Variants in PSMC2 observed in about 807,000 individuals in gnomAD.
PSMC2 encodes the protein 26S proteasome regulatory subunit 7.
In PSMC2, 7 loss-of-function variants were observed where a neutral mutation model predicts 53.3. The ratio of observed to expected loss-of-function variants is 0.13; its 90% CI spans 0.07 to 0.25. The LOEUF (loss-of-function observed/expected upper bound fraction) is 0.25, where lower values mean the gene tolerates loss of function less well. PSMC2 is among the 10% of genes least tolerant of loss of function. The pLI is 1.00. For synonymous variants in PSMC2, 169 were observed against 183.9 expected, an observed-to-expected ratio of 0.92 and a Z score of 0.66; for missense variants, 241 against 544.0, an observed-to-expected ratio of 0.44 and a Z score of 5.54.
chr7:103,355,725 A>G lies in PSMC2; in HGVS notation c.222A>G (p.Pro74=). ...AAGAATCTGACACTGGCCTGGCCCC[A>G]CCAGCACTCTGGGATTTGGCTGCAG... ...GIKESDTGLA[P]PALWDLAADK... is the part of the protein sequence containing the mutation. The change falls in exon 4 of 12, where the codon CCA becomes CCG. Residue 74 remains proline (P), a synonymous_variant. Transcript: ENST00000292644. 1 of 1,614,064 alleles carries G rather than the reference A, an allele frequency of 6.2e-7. No homozygotes were observed. The highest frequency in any genetic ancestry group is 8.5e-7 in the Non-Finnish European group (1 of 1,179,978).
intron 1 of PSMC2, chr7:103,348,719 G>A: frequency 1.3e-6 from 2 of 1,576,672 alleles, no homozygotes; most frequent in South Asian, 1.1e-5. Context: ...AATATGTGCC[G>A]CCAGTGTTTT....
chr7:103,354,248 G>A (rs1237128015), intron 2 of PSMC2, among the ~76,000 whole-genome samples: 1 of 151,866 alleles, frequency 6.6e-6, no homozygotes, highest in Admixed American at 6.6e-5. Context: ...ATGCTATATT[G>A]AAAGATATTT....
At chr7:103,360,078 CAA>C (rs879838360) in intron 4 of PSMC2, among the ~76,000 whole-genome samples, 7 of 105,340 alleles carry the variant, frequency 6.6e-5, no homozygotes, top group African/African-American at 7.1e-5. Context: ...GATTCCGTCT[CAA>C]AAAAAAAAAA....
chr7:103,357,127 A>G (rs978973777), intron 4 of PSMC2, among the ~76,000 whole-genome samples: 1 of 152,048 alleles, frequency 6.6e-6, no homozygotes, highest in African/African-American at 2.4e-5. Flanking sequence ...GGAGTTCAAG[A>G]CCAGCCTGGT....
Position 103,366,078 on chromosome 7 carries a change from G to T in PSMC2, c.759G>T (p.Gly253=). The change falls in exon 9 of 12, where the codon GGG becomes GGT. Residue 253 remains glycine, a splice_region_variant and synonymous_variant. Coordinates refer to ENST00000292644, the MANE Select transcript of PSMC2 (RefSeq NM_002803.4). Reference sequence around the variant, plus strand: ...TAATAAATCATTTTTCTCATTAGGGGGCTCGAATGGTTCGTGAACTCTTTG... The same window carrying T: ...TAATAAATCATTTTTCTCATTAGGGTGCTCGAATGGTTCGTGAACTCTTTG... ...SELVQKYVGE[G]ARMVRELFEM... The T allele has an allele frequency of 6.2e-7, 1 of 1,609,980 alleles. No individual in the cohort carries two copies. The highest frequency in any genetic ancestry group is 8.5e-7 in the Non-Finnish European group (1 of 1,178,350).
chr7:103,365,518 C>T lies in PSMC2; in HGVS notation c.757-558C>T, dbSNP rs189309994. On this transcript the variant is annotated intron_variant, in intron 8 of 11. Coordinates refer to ENST00000292644, the MANE Select transcript of PSMC2 (RefSeq NM_002803.4). ...GTGGCGCATGTCTGTAATCCCAGCT[C>T]CTCGGGAGGCCGAGGCATGAGAATC... 3.9e-5 allele frequency among the ~76,000 whole-genome samples: 6 copies of T among 152,156 alleles called. No homozygotes were observed. The East Asian group carries it at 1.2e-3, about 29-fold the overall frequency.
At chr7:103,354,065 T>C in intron 2 of PSMC2, 107 bp downstream of exon 2, 1 of 840,324 alleles carries the variant, frequency 1.2e-6, no homozygotes, top group Non-Finnish European at 1.8e-6. Flanking sequence ...AACCAAAAAT[T>C]AAAAAACCAA....
chr7:103,367,444 C>T lies in PSMC2; in HGVS notation c.876C>T (p.Asp292=), dbSNP rs2116274156. 6.2e-7 allele frequency: 1 copy of T among 1,613,872 alleles called. No individual in the cohort carries two copies. The highest frequency in any genetic ancestry group is 8.5e-7 in the Non-Finnish European group (1 of 1,179,988). ...GTTTTGATGATGGTGCTGGAGGTGA[C>T]AATGAAGTGCAGAGAACAATGTTGG... ...GARFDDGAGG[D]NEVQRTMLEL... is the part of the protein sequence containing the mutation. The change falls in exon 10 of 12, where the codon GAC becomes GAT. Residue 292 remains aspartate (D), a synonymous_variant. Transcript: ENST00000292644. This position sits in a 1 kb window ranked among gnomAD's most constrained non-coding sequence, Gnocchi z 6.1.
intron 1 of PSMC2, 63 bp from the exon 2 acceptor site, chr7:103,353,858 C>A: frequency 7.0e-7 from 1 of 1,430,480 alleles, no homozygotes; most frequent in South Asian, 1.2e-5. Context: ...GCTCTAGTTT[C>A]TTTTTTAAAA....
intron 6 of PSMC2, 65 bp downstream of exon 6, chr7:103,362,823 T>C: frequency 8.2e-7 from 1 of 1,225,336 alleles, no homozygotes; most frequent in Non-Finnish European, 1.2e-6. Flanking sequence ...TGAGGCGGAG[T>C]TTCACTCTTG....
chr7:103,362,678 T>C lies in PSMC2; in HGVS notation c.423-8T>C. The C allele has an allele frequency of 1.3e-6, 2 of 1,595,962 alleles. No individual in the cohort carries two copies. Among genetic ancestry groups the C allele is most frequent in the Non-Finnish European group, 1.7e-6 (2 of 1,163,924 alleles). ...ATGTATTAATGACTATCTTTTTTAC[T>C]TCCTTAGCGTGGATAGAAATAAATA... On this transcript the variant is annotated splice_region_variant and splice_polypyrimidine_tract_variant and intron_variant, in intron 5 of 11. Coordinates refer to ENST00000292644, the MANE Select transcript of PSMC2 (RefSeq NM_002803.4).
chr7:103,362,415 A>G (rs1457314504), intron 5 of PSMC2: 4 of 1,349,082 alleles, frequency 3.0e-6, no homozygotes, highest in South Asian at 1.6e-5. Context: ...GTTAATGTCT[A>G]TAGAATACAT....
chr7:103,368,678 A>AT lies in PSMC2; in HGVS notation c.*628dup, dbSNP rs1820851978. ...TCAAATTAATCAGGAAGAATTAGTG[A>AT]TTTTAATGAGCAGTAAAGTGGTGCA... On this transcript the variant is annotated 3_prime_UTR_variant, in exon 12 of 12. Transcript: ENST00000292644. The AT allele has an allele frequency of 6.6e-6, 1 of 152,192 alleles. No homozygotes were observed. Among genetic ancestry groups the AT allele is most frequent in the South Asian group, 2.1e-4 (1 of 4,822 alleles). 9.4% of individuals were successfully genotyped at this position (152,192 alleles called of 1,614,324 possible).
rs766686458 is a variant in PSMC2, at chr7:103,362,111, A to G, written c.422+23A>G. On this transcript the variant is annotated intron_variant, in intron 5 of 11. Coordinates refer to ENST00000292644, the MANE Select transcript of PSMC2 (RefSeq NM_002803.4). ...GGGGTAAGATTTCTATTTACAATAA[A>G]TACTTTTCTTTCACTAAGGATACTG... 3 of 1,611,138 alleles carry G rather than the reference A, an allele frequency of 1.9e-6. No individual in the cohort carries two copies. In the South Asian group the frequency reaches 3.3e-5, roughly 18 times the overall value.
intron 5 of PSMC2, chr7:103,362,429 A>G (rs1820464568): frequency 7.4e-7 from 1 of 1,356,748 alleles, no homozygotes; most frequent in Non-Finnish European, 9.4e-7. Flanking sequence ...AATACATAAC[A>G]ACTCACTTAG....
chr7:103,366,471 A>G (rs571265588), intron 9 of PSMC2, among the ~76,000 whole-genome samples: 4 of 152,226 alleles, frequency 2.6e-5, no homozygotes, highest in African/African-American at 7.2e-5. Flanking sequence ...AAGTACTTGC[A>G]TTATACTGAT....
At chr7:103,356,828 A>G (rs1820060921) in intron 4 of PSMC2, among the ~76,000 whole-genome samples, 1 of 152,148 alleles carries the variant, frequency 6.6e-6, no homozygotes, top group Non-Finnish European at 1.5e-5. Flanking sequence ...AATGTTGCTT[A>G]GAAAAACCTA....
At chr7:103,353,454 G>A (rs1170757979) in intron 1 of PSMC2, among the ~76,000 whole-genome samples, 1 of 152,076 alleles carries the variant, frequency 6.6e-6, no homozygotes, top group Non-Finnish European at 1.5e-5. Flanking sequence ...CTACAGACAT[G>A]CGCCACCATG....
At chr7:103,353,308 C>T (rs1305285142) in intron 1 of PSMC2, among the ~76,000 whole-genome samples, 3 of 151,708 alleles carry the variant, frequency 2.0e-5, no homozygotes, top group African/African-American at 7.3e-5. Flanking sequence ...ATTGTATTTC[C>T]TTTTCTTTTT....
Sources: gnomAD v4.1 joint callset for allele counts (sites outside exome capture counted in the v4.1 genomes callset) on GRCh38, gnomAD v4.1.1 for gene constraint, Gnocchi (gnomAD v3.1) non-coding constraint, MANE v1.5 for transcripts, NCBI Gene and HGNC (gene_info 2026-07-23, HGNC 2026-07-21) for gene names.